Variants in PCDH15 observed in about 807,000 individuals in gnomAD.
PCDH15 encodes the protein protocadherin-15.
A neutral mutation model predicts 178.5 loss-of-function variants in PCDH15; 129 were observed. The observed-to-expected ratio is 0.72, with a 90% CI of 0.63 to 0.84. The LOEUF (loss-of-function observed/expected upper bound fraction) is 0.84. Among genes scored for constraint, PCDH15 ranks in the 40% least tolerant of loss-of-function variants. The pLI is 0.00. For missense variants in PCDH15, 2,230 were observed against 2,099.9 expected, an observed-to-expected ratio of 1.06 and a Z score of -1.21; for synonymous variants, 800 against 732.0, an observed-to-expected ratio of 1.09 and a Z score of -1.50.
intron 2 of PCDH15, among the ~76,000 whole-genome samples, chr10:55,433,855 CCT>C (rs1313725694): frequency 6.6e-6 from 1 of 151,920 alleles, no homozygotes; most frequent in African/African-American, 2.4e-5. Context: ...ATGTACAACC[CCT>C]GTCACTGCAC....
intron 1 of PCDH15, among the ~76,000 whole-genome samples, chr10:54,697,666 G>GGAAGGGGAAGGGGGAA (rs1266428907): frequency 3.1e-5 from 2 of 64,336 alleles, no homozygotes; most frequent in East Asian, 4.2e-4. Context: ...GGAAGGGGAA[G>GGAAGGGGAAGGGGGAA]GGGGAAGGGG....
At chr10:54,280,047 T>G (rs1033729345) in intron 8 of PCDH15, among the ~76,000 whole-genome samples, 2 of 151,690 alleles carry the variant, frequency 1.3e-5, no homozygotes, top group African/African-American at 4.8e-5. Flanking sequence ...TACACATTTA[T>G]GCTGAAAATG....
At chr10:54,264,242 C>T (rs2384431) in intron 8 of PCDH15, among the ~76,000 whole-genome samples, 2,859 of 152,166 alleles carry the variant, frequency 0.019, 96 homozygotes, top group African/African-American at 0.063. Flanking sequence ...ACTTCAGTAC[C>T]TATAGAGAAC....
chr10:54,208,677 T>G (rs1252018305), intron 10 of PCDH15, among the ~76,000 whole-genome samples: 1 of 152,036 alleles, frequency 6.6e-6, no homozygotes, highest in African/African-American at 2.4e-5. Flanking sequence ...CCACCCAGTC[T>G]TTTGTACTTT....
intron 9 of PCDH15, among the ~76,000 whole-genome samples, chr10:54,215,721 G>A (rs2051950577): frequency 6.6e-6 from 1 of 152,124 alleles, no homozygotes; most frequent in Admixed American, 6.5e-5. Context: ...AAAACCACAA[G>A]TGACAAACTG....
intron 2 of PCDH15, among the ~76,000 whole-genome samples, chr10:55,571,611 A>G (rs1842408749): frequency 6.6e-6 from 1 of 152,122 alleles, no homozygotes; most frequent in South Asian, 2.1e-4. Context: ...TCAAATTAGT[A>G]ACTAATCTTT....
chr10:53,876,564 A>G (rs1247413651), intron 26 of PCDH15, among the ~76,000 whole-genome samples: 1 of 152,106 alleles, frequency 6.6e-6, no homozygotes, highest in Non-Finnish European at 1.5e-5. Flanking sequence ...ACATGATAAA[A>G]TATGAATAAG....
chr10:54,528,421 A>T, intron 2 of PCDH15: 1 of 1,567,676 alleles, frequency 6.4e-7, no homozygotes, highest in Non-Finnish European at 8.7e-7. Context: ...AAAAGTATAG[A>T]GTCATCAATG....
At chr10:54,030,004 C>T (rs1015010305) in intron 18 of PCDH15, among the ~76,000 whole-genome samples, 1 of 152,092 alleles carries the variant, frequency 6.6e-6, no homozygotes, top group African/African-American at 2.4e-5. Flanking sequence ...TACAATGATT[C>T]ATTTCCATTT....
chr10:53,857,861 A>G (rs2078858266), intron 27 of PCDH15, among the ~76,000 whole-genome samples: 1 of 152,060 alleles, frequency 6.6e-6, no homozygotes, highest in Admixed American at 6.6e-5. Context: ...AATTTCTTCT[A>G]TGTTCTTATA....
At chr10:53,899,600 T>C (rs2921924) in intron 26 of PCDH15, among the ~76,000 whole-genome samples, 115,819 of 152,074 alleles carry the variant, frequency 0.76, 44,784 homozygotes, top group East Asian at 1. Context: ...AATTAACTTG[T>C]ATGCATGGTA....
At chr10:54,107,161 G>A (rs558284318) in intron 15 of PCDH15, among the ~76,000 whole-genome samples, 5 of 152,156 alleles carry the variant, frequency 3.3e-5, no homozygotes, top group South Asian at 2.1e-4. Flanking sequence ...ATTTTGTTAT[G>A]TTCTGTTCTC....
chr10:53,918,082 C>T (rs1180149555), intron 25 of PCDH15, among the ~76,000 whole-genome samples: 1 of 152,116 alleles, frequency 6.6e-6, no homozygotes, highest in Non-Finnish European at 1.5e-5. Flanking sequence ...TTATAAATTA[C>T]CCAGCCTCAG....
intron 2 of PCDH15, among the ~76,000 whole-genome samples, chr10:54,662,293 G>A (rs1216273901): frequency 2.0e-5 from 3 of 151,816 alleles, no homozygotes; most frequent in Non-Finnish European, 2.9e-5. Context: ...ACAAACATAT[G>A]AAAAAACATT....
At chr10:54,836,555 ATGTG>A (rs879518565) in intron 3 of PCDH15, among the ~76,000 whole-genome samples, 1 of 152,138 alleles carries the variant, frequency 6.6e-6, no homozygotes, top group Admixed American at 6.6e-5. Context: ...GTGTGATTTT[ATGTG>A]TGTGTCTCTG....
chr10:55,051,057 T>C (rs1051527737), intron 2 of PCDH15, among the ~76,000 whole-genome samples: 18 of 152,122 alleles, frequency 1.2e-4, no homozygotes, highest in African/African-American at 4.1e-4. Flanking sequence ...CATATACTTA[T>C]GGTGATCATA....
At chr10:54,409,625 T>A (rs1335670818) in intron 3 of PCDH15, among the ~76,000 whole-genome samples, 3 of 152,190 alleles carry the variant, frequency 2.0e-5, no homozygotes, top group Admixed American at 6.6e-5. Context: ...TCAGCTGTTT[T>A]CTTACAGTCT....
intron 2 of PCDH15, among the ~76,000 whole-genome samples, chr10:55,152,530 G>C (rs1022136663): frequency 9.9e-5 from 15 of 152,134 alleles, no homozygotes; most frequent in African/African-American, 3.6e-4. Flanking sequence ...ATAAATGTTA[G>C]AGCCAAGGTT....
rs2060622767 is a variant in PCDH15, at chr10:54,307,337, A to C, written c.876+9934T>G. ...TTATAATTAAAGTAAATCCTGAAAAACTTTCTACATTAGTGTGTGGAAAAA... is the reference window on the plus strand; with the variant it reads ...TTATAATTAAAGTAAATCCTGAAAACCTTTCTACATTAGTGTGTGGAAAAA... On this transcript the variant is annotated intron_variant, in intron 8 of 37. Coordinates refer to ENST00000644397, the MANE Select transcript of PCDH15 (RefSeq NM_001384140.1). Among the ~76,000 whole-genome samples the C allele has an allele frequency of 2.0e-5, 3 of 150,668 alleles. No homozygotes were observed. In the South Asian group the frequency reaches 6.3e-4, roughly 32 times the overall value.
Sources: allele counts gnomAD v4.1 joint callset (sites outside exome capture counted in the v4.1 genomes callset), GRCh38; gene constraint gnomAD v4.1.1; transcripts MANE v1.5; gene names NCBI Gene and HGNC (gene_info 2026-07-23, HGNC 2026-07-21).